The following ROBO1 variants were observed in gnomAD, a reference collection of about 807,000 sequenced individuals.
ROBO1 encodes roundabout guidance receptor 1.
Under a neutral mutation model 195.9 loss-of-function variants are expected in ROBO1, and 149 were observed. The ratio of observed to expected loss-of-function variants is 0.76; its 90% CI spans 0.67 to 0.87. The LOEUF (loss-of-function observed/expected upper bound fraction) is 0.87. Among genes scored for constraint, ROBO1 ranks in the 40% least tolerant of loss-of-function variants. ROBO1 has a pLI of 0.00. For synonymous variants in ROBO1, 816 were observed against 733.2 expected (o/e 1.11, Z -1.82); for missense variants, 1,933 against 2,068.3 (o/e 0.93, Z 1.27).
At chr3:79,074,542 T>C (rs113485558) in intron 3 of ROBO1, among the ~76,000 whole-genome samples, 1 of 151,700 alleles carries the variant, frequency 6.6e-6, no homozygotes, top group African/African-American at 2.4e-5. Flanking sequence ...CCTCAGCCCC[T>C]GAGTAGCTGA....
intron 2 of ROBO1, among the ~76,000 whole-genome samples, chr3:79,493,377 A>C (rs921506230): frequency 7.2e-5 from 11 of 151,972 alleles, no homozygotes; most frequent in African/African-American, 2.7e-4. Context: ...TAACAGAAAA[A>C]CTGATAGGTA....
intron 2 of ROBO1, among the ~76,000 whole-genome samples, chr3:79,252,867 A>AT (rs1347609898): frequency 4.0e-5 from 6 of 151,688 alleles, no homozygotes; most frequent in East Asian, 1.9e-4. Flanking sequence ...ATTAATCCAC[A>AT]TTTTTTTTCA....
intron 5 of ROBO1, among the ~76,000 whole-genome samples, chr3:78,745,489 A>G (rs1282065533): frequency 6.6e-6 from 1 of 152,118 alleles, no homozygotes; most frequent in Non-Finnish European, 1.5e-5. Context: ...TTTAAGGGCA[A>G]AGTATTCTTA....
intron 1 of ROBO1, among the ~76,000 whole-genome samples, chr3:79,714,228 C>T (rs1421670964): frequency 6.6e-6 from 1 of 151,886 alleles, no homozygotes; most frequent in Non-Finnish European, 1.5e-5. Context: ...ATTTATGCAG[C>T]CAAAAAAACA....
At chr3:79,433,318 T>C (rs756112830) in intron 2 of ROBO1, among the ~76,000 whole-genome samples, 40 of 152,204 alleles carry the variant, frequency 2.6e-4, no homozygotes, top group Non-Finnish European at 4.3e-4. Flanking sequence ...CTGAGAATAA[T>C]GGCATCCAGC....
chr3:79,576,556 T>C (rs1044023634), intron 2 of ROBO1, among the ~76,000 whole-genome samples: 2 of 151,630 alleles, frequency 1.3e-5, no homozygotes, highest in Non-Finnish European at 2.9e-5. Context: ...GAAAAAAAAA[T>C]CATTTCAAGT....
intron 4 of ROBO1, among the ~76,000 whole-genome samples, chr3:78,863,034 T>C (rs1456602536): frequency 1.3e-5 from 2 of 152,202 alleles, no homozygotes; most frequent in Non-Finnish European, 2.9e-5. Flanking sequence ...TGACTACTTC[T>C]ATAGCAGTTT....
At chr3:78,626,507 A>G (rs1437966681) in intron 26 of ROBO1, among the ~76,000 whole-genome samples, 1 of 152,154 alleles carries the variant, frequency 6.6e-6, no homozygotes, top group East Asian at 1.9e-4. Context: ...ACCTCTTCTG[A>G]GGCAAATAAT....
intron 10 of ROBO1, among the ~76,000 whole-genome samples, chr3:78,678,754 G>C (rs562558227): frequency 6.6e-6 from 1 of 152,138 alleles, no homozygotes; most frequent in African/African-American, 2.4e-5. Context: ...GTACAAGGAC[G>C]AACTGATACC....
At chr3:79,498,263 G>A (rs575472427) in intron 2 of ROBO1, among the ~76,000 whole-genome samples, 7 of 152,102 alleles carry the variant, frequency 4.6e-5, no homozygotes, top group Middle Eastern at 3.4e-3. Flanking sequence ...AATACATATT[G>A]ATGTAGATCG....
chr3:78,722,027 T>G (rs2082056570), intron 5 of ROBO1, among the ~76,000 whole-genome samples: 1 of 151,916 alleles, frequency 6.6e-6, no homozygotes, highest in East Asian at 1.9e-4. Context: ...AAACCAAAAT[T>G]CAAAGACAGC....
intron 2 of ROBO1, among the ~76,000 whole-genome samples, chr3:79,310,604 T>C (rs977186060): frequency 7.2e-5 from 11 of 152,186 alleles, no homozygotes; most frequent in Admixed American, 7.2e-4. Flanking sequence ...ACTAATTGTA[T>C]ACCTCAAAAT....
intron 2 of ROBO1, among the ~76,000 whole-genome samples, chr3:79,567,729 C>CAAA (rs1390616069): frequency 7.3e-4 from 111 of 152,118 alleles, no homozygotes; most frequent in African/African-American, 2.6e-3. Flanking sequence ...GGTATTGTTT[C>CAAA]TACTCTAAAA....
chr3:79,060,026 C>A (rs112632610), intron 3 of ROBO1, among the ~76,000 whole-genome samples: 188 of 151,996 alleles, frequency 1.2e-3, no homozygotes, highest in African/African-American at 4.1e-3. Flanking sequence ...CAAGGAGTAG[C>A]CCTGGGAAAG....
At chr3:79,264,806 C>T (rs1291438552) in intron 2 of ROBO1, among the ~76,000 whole-genome samples, 2 of 151,898 alleles carry the variant, frequency 1.3e-5, no homozygotes, top group African/African-American at 4.8e-5. Context: ...TAGGCACAAA[C>T]ATTTGTCACC....
intron 2 of ROBO1, among the ~76,000 whole-genome samples, chr3:79,261,954 G>A (rs2082945702): frequency 6.6e-6 from 1 of 151,874 alleles, no homozygotes; most frequent in Non-Finnish European, 1.5e-5. Flanking sequence ...AGACCTTTCT[G>A]GACAAATGTA....
At chr3:78,624,532 T>C (rs951690749) in intron 26 of ROBO1, among the ~76,000 whole-genome samples, 4 of 152,080 alleles carry the variant, frequency 2.6e-5, no homozygotes, top group African/African-American at 9.7e-5. Context: ...ATTACATATA[T>C]CTGCCTCAAG....
intron 2 of ROBO1, among the ~76,000 whole-genome samples, chr3:79,161,836 C>A (rs897604376): frequency 6.6e-6 from 1 of 152,022 alleles, no homozygotes; most frequent in Non-Finnish European, 1.5e-5. Context: ...GCTTGGTACC[C>A]ATGGGCACTT....
chr3:78,857,711 A>G (rs529075683), intron 4 of ROBO1, among the ~76,000 whole-genome samples: 19 of 152,320 alleles, frequency 1.2e-4, no homozygotes, highest in African/African-American at 4.3e-4. Context: ...GCTGGTGCAC[A>G]GTGAAATGTA....
Sources: gnomAD v4.1 joint callset for allele counts (sites outside exome capture counted in the v4.1 genomes callset) on GRCh38, gnomAD v4.1.1 for gene constraint, MANE v1.5 for transcripts, NCBI Gene and HGNC (gene_info 2026-07-23, HGNC 2026-07-21) for gene names.